The following DIP2A variants were observed in gnomAD, a reference collection of about 807,000 sequenced individuals.
The protein encoded by DIP2A is DIP2 acetate--CoA ligase A.
A neutral mutation model predicts 177.4 loss-of-function variants in DIP2A; 85 were observed. That is an observed-to-expected ratio of 0.48 (90% CI 0.40 to 0.57). The LOEUF is 0.57. Ranked by LOEUF, DIP2A falls within the 20% of genes least tolerant of loss-of-function variation. The probability of loss-of-function intolerance (pLI) is 0.00; values close to 1 mark genes in which losing one functional copy is unlikely to be tolerated. For synonymous variants in DIP2A, 886 were observed against 881.8 expected (o/e 1.00, Z -0.08); for missense variants, 1,791 against 2,100.2 (o/e 0.85, Z 2.88).
intron 27 of DIP2A, 36 bp from the exon 28 acceptor site, chr21:46,554,786 G>GGGGGGGGGCC (rs2060400935): frequency 3.9e-6 from 6 of 1,519,096 alleles, no homozygotes; most frequent in South Asian, 1.2e-5. Flanking sequence ...AGCTTGAGAG[G>GGGGGGGGGCC]CCCCGCCCAC....
At chr21:46,561,439 G>A (rs1196230973) in intron 33 of DIP2A, 1 of 420,690 alleles carries the variant, frequency 2.4e-6, no homozygotes, top group African/African-American at 2.0e-5. Context: ...GTAGCTTGAT[G>A]TAAACACTAG....
In DIP2A at chr21:46,567,490, C is replaced by A; in HGVS notation, c.4584C>A (p.Val1528=). The part of the protein sequence containing the change: ...TNVVLEEHYL[V]VGVVVIVDPG... ...TGGTGCTGGAGGAGCACTACCTGGTCGTGGGAGTGGTGGTCATCGTGGACC... is the reference window on the plus strand; with the variant it reads ...TGGTGCTGGAGGAGCACTACCTGGTAGTGGGAGTGGTGGTCATCGTGGACC... Residue 1528 remains valine (V), a synonymous_variant, in exon 38 of 38, where the codon GTC becomes GTA. Coordinates refer to ENST00000417564, the MANE Select transcript of DIP2A (RefSeq NM_015151.4). The A allele has an allele frequency of 4.3e-6, 7 of 1,613,806 alleles. No individual in the cohort carries two copies. Among genetic ancestry groups the A allele is most frequent in the Non-Finnish European group, 5.1e-6 (6 of 1,179,870 alleles).
intron 8 of DIP2A, among the ~76,000 whole-genome samples, chr21:46,524,789 G>A (rs2058989593): frequency 6.7e-6 from 1 of 150,042 alleles, no homozygotes; most frequent in Non-Finnish European, 1.5e-5. Flanking sequence ...CTCCCTCTTT[G>A]TGGCTGGCTT....
At chr21:46,529,459 G>A (rs2059262690) in intron 9 of DIP2A, among the ~76,000 whole-genome samples, 1 of 151,998 alleles carries the variant, frequency 6.6e-6, no homozygotes, top group Non-Finnish European at 1.5e-5. Context: ...AAATTAGCTG[G>A]GCGTGGTGGT....
chr21:46,505,720 G>C (rs576358414), intron 6 of DIP2A, among the ~76,000 whole-genome samples: 8 of 152,006 alleles, frequency 5.3e-5, no homozygotes, highest in Non-Finnish European at 1.0e-4. Flanking sequence ...TCCTCTCTTC[G>C]GATCCTTCTG....
rs2059641728 is a variant in DIP2A, at chr21:46,537,917, A to G, written c.1801+378A>G. ...CTTCTACCAGCCACTGAGGCACTGG[A>G]TCACCTGGGTCACCCATGTTGCCTT... is the stretch of plus-strand genomic sequence containing the variant. On this transcript the variant is annotated intron_variant, in intron 15 of 37. Transcript: ENST00000417564. This position sits in a 1 kb window ranked among gnomAD's most constrained non-coding sequence, Gnocchi z 4.1. Among the ~76,000 whole-genome samples the G allele has an allele frequency of 6.6e-6, 1 of 152,138 alleles. No homozygotes were observed. The highest frequency in any genetic ancestry group is 2.1e-4 in the South Asian group (1 of 4,820).
intron 5 of DIP2A, among the ~76,000 whole-genome samples, chr21:46,499,173 C>T (rs1472850803): frequency 1.3e-5 from 2 of 152,178 alleles, no homozygotes; most frequent in Admixed American, 1.3e-4. Context: ...TATTTTTCAT[C>T]TGGGAAATGT....
rs58546395 is a variant in DIP2A, at chr21:46,464,844, T to TTTTTTTTTTTTTTTTTCCC, written c.91+5622_91+5623insTTTTTTTTTTTTTTTTCCC. 5.4e-5 allele frequency among the ~76,000 whole-genome samples: 6 copies of TTTTTTTTTTTTTTTTTCCC among 111,218 alleles called. 1 individual carries two copies. The highest frequency in any genetic ancestry group is 2.1e-4 in the African/African-American group (5 of 23,948). The allele number at this position is 111,218 out of a possible 152,430, so 73.0% of individuals were successfully genotyped here. On this transcript the variant is annotated intron_variant, in intron 1 of 37. Transcript: ENST00000417564. ...TTTTTTTTTTTTTTTTTTTTTTTTT[T>TTTTTTTTTTTTTTTTTCCC]CAAGAAAACACACAACAAATGTCAG...
the DIP2A span, among the ~76,000 whole-genome samples, chr21:46,579,959 T>C: frequency 6.6e-6 from 1 of 152,224 alleles, no homozygotes; most frequent in African/African-American, 2.4e-5. Flanking sequence ...TAGATATCTA[T>C]CAGGTCTACT....
the DIP2A span, among the ~76,000 whole-genome samples, chr21:46,578,760 A>G: frequency 6.6e-6 from 1 of 152,166 alleles, no homozygotes; most frequent in African/African-American, 2.4e-5. Context: ...AATTATGTTT[A>G]TTGATTTGCA....
chr21:46,527,826 G>A (rs2059166655), intron 8 of DIP2A, among the ~76,000 whole-genome samples: 1 of 152,082 alleles, frequency 6.6e-6, no homozygotes, highest in African/African-American at 2.4e-5. Context: ...GCTGCTTGGT[G>A]AGGGGGTGTT....
At chr21:46,476,623 C>T (rs2055869624) in intron 1 of DIP2A, among the ~76,000 whole-genome samples, 1 of 151,000 alleles carries the variant, frequency 6.6e-6, no homozygotes. Flanking sequence ...TGGGATGAAT[C>T]TCACGTCTTC....
At chr21:46,540,981 C>T (rs1254980947) in intron 17 of DIP2A, among the ~76,000 whole-genome samples, 1 of 147,996 alleles carries the variant, frequency 6.8e-6, no homozygotes, top group Non-Finnish European at 1.5e-5. Flanking sequence ...TGCCATTGCA[C>T]TCCAGCCTGG....
chr21:46,551,714 C>T lies in DIP2A; in HGVS notation c.2920C>T (p.His974Tyr), dbSNP rs768260787. Residue 974 changes from histidine to tyrosine, a missense_variant, in exon 24 of 38, where the codon CAC becomes TAC. Physicochemically the swap from His to Tyr is moderately conservative, Grantham distance 83. Coordinates refer to ENST00000417564, the MANE Select transcript of DIP2A (RefSeq NM_015151.4). ...IAQASGRELA[H>Y]LEDSDQARKF... Reference sequence around the variant, plus strand: ...TCAGGCTTCCGGGAGAGAGCTCGCCCACCTGGAGGACAGCGACCAGGCACG... The same window carrying T: ...TCAGGCTTCCGGGAGAGAGCTCGCCTACCTGGAGGACAGCGACCAGGCACG... 2 of 1,613,978 alleles carry T rather than the reference C, an allele frequency of 1.2e-6. No homozygotes were observed. Among genetic ancestry groups the T allele is most frequent in the Non-Finnish European group, 1.7e-6 (2 of 1,179,892 alleles).
chr21:46,459,311 C>T, intron 1 of DIP2A, 89 bp downstream of exon 1: 6 of 1,180,046 alleles, frequency 5.1e-6, no homozygotes, highest in African/African-American at 1.8e-5. Context: ...CGCGCGGCCC[C>T]TCACTCCAGG....
the DIP2A span, among the ~76,000 whole-genome samples, chr21:46,575,556 C>G: frequency 6.6e-6 from 1 of 152,096 alleles, no homozygotes; most frequent in African/African-American, 2.4e-5. Flanking sequence ...ATAAATTTAG[C>G]AACATAGCAG....
intron 23 of DIP2A, among the ~76,000 whole-genome samples, chr21:46,551,225 T>C (rs2060260461): frequency 6.6e-6 from 1 of 152,254 alleles, no homozygotes; most frequent in Non-Finnish European, 1.5e-5. Flanking sequence ...CAATTTTTCA[T>C]TTCTTTGGTC....
chr21:46,552,613 C>G (rs1378899525), intron 25 of DIP2A, among the ~76,000 whole-genome samples: 2 of 152,196 alleles, frequency 1.3e-5, no homozygotes, highest in African/African-American at 4.8e-5. Context: ...ATATGCTCTT[C>G]TAGCTCTTGG....
intron 9 of DIP2A, among the ~76,000 whole-genome samples, chr21:46,529,941 C>T (rs2148744034): frequency 6.6e-6 from 1 of 152,210 alleles, no homozygotes; most frequent in African/African-American, 2.4e-5. Context: ...ATATGGTTGG[C>T]AGTAGCCATT....
Sources: gnomAD v4.1 joint callset for allele counts (sites outside exome capture counted in the v4.1 genomes callset) on GRCh38, gnomAD v4.1.1 for gene constraint, Gnocchi (gnomAD v3.1) non-coding constraint, MANE v1.5 for transcripts, NCBI Gene and HGNC (gene_info 2026-07-23, HGNC 2026-07-21) for gene names.